Variants in PCDHA8 observed in about 807,000 individuals in gnomAD.
PCDHA8 encodes the protein protocadherin alpha 8.
In PCDHA8, 53 loss-of-function variants were observed where a neutral mutation model predicts 61.8. The ratio of observed to expected loss-of-function variants is 0.86; its 90% CI spans 0.69 to 1.08. The LOEUF (loss-of-function observed/expected upper bound fraction) is 1.08. PCDHA8 is among the 50% of genes least tolerant of loss of function. The probability of loss-of-function intolerance (pLI) is 0.00; values close to 1 mark genes in which losing one functional copy is unlikely to be tolerated. For synonymous variants in PCDHA8, 618 were observed against 556.6 expected, an observed-to-expected ratio of 1.11 and a Z score of -1.55; for missense variants, 1,293 against 1,245.0, an observed-to-expected ratio of 1.04 and a Z score of -0.58.
At chr5:141,004,580 A>T (rs782539696) in intron 3 of PCDHA8, among the ~76,000 whole-genome samples, 1 of 152,222 alleles carries the variant, frequency 6.6e-6, no homozygotes, top group Non-Finnish European at 1.5e-5. Context: ...TGTGTTCTGC[A>T]TCTCCAGATG....
intron 1 of PCDHA8, among the ~76,000 whole-genome samples, chr5:140,972,686 AT>A (rs2096549556): frequency 8.3e-6 from 1 of 120,944 alleles, no homozygotes; most frequent in African/African-American, 3.2e-5. Context: ...TTTTTTTGAG[AT>A]GGAGTCTCAC....
chr5:140,941,341 G>A (rs1413393487), intron 1 of PCDHA8, among the ~76,000 whole-genome samples: 1 of 119,412 alleles, frequency 8.4e-6, no homozygotes, highest in African/African-American at 3.2e-5. Flanking sequence ...TTTTCAGATG[G>A]AGTCTTGCTC....
chr5:140,842,590 G>T lies in PCDHA8; in HGVS notation c.1269G>T (p.Leu423Phe), dbSNP rs2150340027. 6.5e-7 allele frequency: 1 copy of T among 1,530,304 alleles called. No homozygotes were observed. Among genetic ancestry groups the T allele is most frequent in the Admixed American group, 1.8e-5 (1 of 54,882 alleles). The allele number at this position is 1,530,304 out of a possible 1,614,324, so 94.8% of individuals were successfully genotyped here. A position where few individuals can be genotyped will look rare whatever the true frequency, so the allele number is the denominator to read the frequency against. ...GCGAGAGAGTGTCGGCCTATGAGTT[G>T]GTGGTAACCGCGCGGGACGGGGGCT... ...LDRERVSAYE[L>F]VVTARDGGSP... Residue 423 changes from leucine to phenylalanine, a missense_variant, in exon 1 of 4, where the codon TTG becomes TTT. Coordinates refer to ENST00000531613, the MANE Select transcript of PCDHA8 (RefSeq NM_018911.3).
At chr5:140,855,112 C>T (rs2043341257) in intron 1 of PCDHA8, among the ~76,000 whole-genome samples, 1 of 149,738 alleles carries the variant, frequency 6.7e-6, no homozygotes, top group South Asian at 2.1e-4. Flanking sequence ...ATAATTAAGG[C>T]ATTCTATAGG....
intron 3 of PCDHA8, among the ~76,000 whole-genome samples, chr5:141,003,504 G>A (rs1336599901): frequency 9.2e-5 from 14 of 152,020 alleles, no homozygotes; most frequent in African/African-American, 3.4e-4. Context: ...GTAGAGATGG[G>A]GTTTCACCAT....
chr5:140,915,606 C>A (rs2077190807), intron 1 of PCDHA8, among the ~76,000 whole-genome samples: 1 of 150,452 alleles, frequency 6.6e-6, no homozygotes, highest in African/African-American at 2.5e-5. Context: ...CCCTTACTTT[C>A]TGTCAAACAG....
chr5:140,882,662 A>G (rs1554175058), intron 1 of PCDHA8: 7 of 1,614,224 alleles, frequency 4.3e-6, no homozygotes, highest in Non-Finnish European at 5.9e-6. Context: ...CAACCCGCCC[A>G]TATTCCCTGA....
At chr5:140,913,759 G>A (rs782668286) in intron 1 of PCDHA8, among the ~76,000 whole-genome samples, 1 of 151,994 alleles carries the variant, frequency 6.6e-6, no homozygotes, top group African/African-American at 2.4e-5. Context: ...GTATCTCATA[G>A]GTTTTGGCAT....
chr5:140,901,020 C>G (rs528406801), intron 1 of PCDHA8, among the ~76,000 whole-genome samples: 2 of 152,262 alleles, frequency 1.3e-5, no homozygotes, highest in African/African-American at 4.8e-5. Flanking sequence ...TGAGAAACAT[C>G]TATTCAACTC....
In PCDHA8 at chr5:140,855,924, G is replaced by A. The variant is rs990164410; in HGVS notation, c.2394+12209G>A. 3.2e-5 allele frequency: 40 copies of A among 1,236,784 alleles called. 2 individuals are homozygous for A. In the Admixed American group the frequency reaches 7.8e-4, roughly 24 times the overall value. 76.6% of individuals were successfully genotyped at this position (1,236,784 alleles called of 1,614,324 possible). A position where few individuals can be genotyped will look rare whatever the true frequency, so the allele number is the denominator to read the frequency against. On this transcript the variant is annotated intron_variant, in intron 1 of 3. Coordinates refer to ENST00000531613, the MANE Select transcript of PCDHA8 (RefSeq NM_018911.3). ...CCAGTTTCTCAAGGACTAGGAAGTA[G>A]CGTCATTCTGAGATCTCAGCCATTT...
Position 140,966,357 on chromosome 5 carries a change from T to A in PCDHA8, c.2395-12592T>A, listed in dbSNP as rs3756326. ...AGGTCCAGGGTGAAGGAGATGGGGCTGGAGAGGCTGAGCAGTCCGGGTTCG... is the reference window on the plus strand; with the variant it reads ...AGGTCCAGGGTGAAGGAGATGGGGCAGGAGAGGCTGAGCAGTCCGGGTTCG... On this transcript the variant is annotated intron_variant, in intron 1 of 3. Coordinates refer to ENST00000531613, the MANE Select transcript of PCDHA8 (RefSeq NM_018911.3). The A allele has an allele frequency of 3.3e-4, 131 of 400,654 alleles. 3 individuals are homozygous for A. Among genetic ancestry groups the A allele is most frequent in the East Asian group, 2.0e-3 (56 of 27,900 alleles). The allele number at this position is 400,654 out of a possible 1,614,324, so 24.8% of individuals were successfully genotyped here.
chr5:140,872,165 C>CTT (rs781807025), intron 1 of PCDHA8, among the ~76,000 whole-genome samples: 18 of 144,352 alleles, frequency 1.2e-4, no homozygotes, highest in Non-Finnish European at 2.0e-4. Context: ...ATTTACTTTT[C>CTT]TTTTTTTTTT....
chr5:140,927,838 G>C, intron 1 of PCDHA8: 1 of 1,614,210 alleles, frequency 6.2e-7, no homozygotes, highest in Non-Finnish European at 8.5e-7. Context: ...GAGGGACGAA[G>C]GTGTCTTTGG....
chr5:140,902,859 A>G (rs964505072), intron 1 of PCDHA8, among the ~76,000 whole-genome samples: 18 of 152,208 alleles, frequency 1.2e-4, no homozygotes, highest in African/African-American at 4.3e-4. Context: ...AATGGCGTCC[A>G]GGTCCACCCA....
Position 141,012,065 on chromosome 5 carries a change from T to G in PCDHA8, c.*2128T>G, listed in dbSNP as rs2098422876. The G allele has an allele frequency of 6.5e-6, 1 of 153,794 alleles. No individual in the cohort carries two copies. Among genetic ancestry groups the G allele is most frequent in the Non-Finnish European group, 1.5e-5 (1 of 68,044 alleles). The allele number at this position is 153,794 out of a possible 1,614,324, so 9.5% of individuals were successfully genotyped here. A position where few individuals can be genotyped will look rare whatever the true frequency, so the allele number is the denominator to read the frequency against. ...GGGTAAAACTTGTTACCAACACATGTGAACCATTGCTACATTGTAGGTTGT... is the reference window on the plus strand; with the variant it reads ...GGGTAAAACTTGTTACCAACACATGGGAACCATTGCTACATTGTAGGTTGT... On this transcript the variant is annotated 3_prime_UTR_variant, in exon 4 of 4. Transcript: ENST00000531613.
rs2150473492 is a variant in PCDHA8 at position 140,850,211 on chromosome 5, C to T, written c.2394+6496C>T. 11 of 1,593,428 alleles carry T rather than the reference C, an allele frequency of 6.9e-6. 1 individual carries two copies. Among genetic ancestry groups the T allele is most frequent in the Non-Finnish European group, 9.4e-6 (11 of 1,167,634 alleles). ...CGCTGCTGACACCTCGGATGAGGGG[C>T]ACTGACGGCGCAGTGAGCGAGATGG... On this transcript the variant is annotated intron_variant, in intron 1 of 3. Coordinates refer to ENST00000531613, the MANE Select transcript of PCDHA8 (RefSeq NM_018911.3).
At chr5:140,919,359 G>T (rs188480486) in intron 1 of PCDHA8, among the ~76,000 whole-genome samples, 3 of 152,146 alleles carry the variant, frequency 2.0e-5, no homozygotes, top group African/African-American at 7.2e-5. Context: ...ATCTAAAAGT[G>T]TCTCCTGCAG....
rs782769711 is a variant in PCDHA8 at position 140,857,323 on chromosome 5, C to G, written c.2394+13608C>G. 1.0e-5 allele frequency: 16 copies of G among 1,598,498 alleles called. 1 individual carries two copies. Among genetic ancestry groups the G allele is most frequent in the Admixed American group, 1.7e-5 (1 of 59,312 alleles). ...TGTCGGCCTATGAGCTGGTGGTGAC[C>G]GCGCGGGACGGGGGCTCGCCTCCGC... On this transcript the variant is annotated intron_variant, in intron 1 of 3. Coordinates refer to ENST00000531613, the MANE Select transcript of PCDHA8 (RefSeq NM_018911.3).
intron 1 of PCDHA8, chr5:140,867,745 A>G (rs1342140044): frequency 6.6e-6 from 1 of 152,108 alleles, no homozygotes. Flanking sequence ...CAAGCAAGTT[A>G]CAACTTCAGG....
Sources: gnomAD v4.1 joint callset for allele counts (sites outside exome capture counted in the v4.1 genomes callset) on GRCh38, gnomAD v4.1.1 for gene constraint, MANE v1.5 for transcripts, NCBI Gene and HGNC (gene_info 2026-07-23, HGNC 2026-07-21) for gene names.